DNTTIP1: variants seen among roughly 807,000 people sequenced by gnomAD.
The protein encoded by DNTTIP1 is deoxynucleotidyltransferase terminal interacting protein 1.
A neutral mutation model predicts 52.9 loss-of-function variants in DNTTIP1; 22 were observed. That is an observed-to-expected ratio of 0.42 (90% CI 0.30 to 0.59). The LOEUF (loss-of-function observed/expected upper bound fraction) is 0.59, where lower values mean the gene tolerates loss of function less well. DNTTIP1 is among the 20% of genes least tolerant of loss of function. The pLI is 0.22. For synonymous variants in DNTTIP1, 136 were observed against 155.1 expected (o/e 0.88, Z 0.92); for missense variants, 286 against 435.5 (o/e 0.66, Z 3.06).
intron 4 of DNTTIP1, among the ~76,000 whole-genome samples, chr20:45,797,385 A>G (rs1360611142): frequency 5.3e-5 from 8 of 152,232 alleles, no homozygotes; most frequent in Non-Finnish European, 1.2e-4. Flanking sequence ...ACCCTAGAAG[A>G]AAACCTAGGC....
Position 45,795,467 on chromosome 20 carries a change from T to G in DNTTIP1, c.372+24T>G, listed in dbSNP as rs759294317. Reference sequence around the variant, plus strand: ...AGGTGAGACCAAAGGGGACAAGAGATGCAGGCACAAGGTTTAGCTCTCGAG... The same window carrying G: ...AGGTGAGACCAAAGGGGACAAGAGAGGCAGGCACAAGGTTTAGCTCTCGAG... On this transcript the variant is annotated intron_variant, in intron 4 of 12. Coordinates refer to ENST00000372622, the MANE Select transcript of DNTTIP1 (RefSeq NM_052951.3). 20 of 1,461,350 alleles carry G rather than the reference T, an allele frequency of 1.4e-5. No homozygotes were observed. The South Asian group carries it at 2.3e-4, about 17-fold the overall frequency. The allele number at this position is 1,461,350 out of a possible 1,614,324, so 90.5% of individuals were successfully genotyped here. A position where few individuals can be genotyped will look rare whatever the true frequency, so the allele number is the denominator to read the frequency against.
chr20:45,792,798 C>G, intron 2 of DNTTIP1, 51 bp downstream of exon 2: 2 of 1,543,014 alleles, frequency 1.3e-6, no homozygotes, highest in South Asian at 2.4e-5. Context: ...GCTTGCATGG[C>G]AGATTTGGGA....
chr20:45,792,851 G>A (rs1482555835), intron 2 of DNTTIP1, 104 bp downstream of exon 2: 8 of 1,031,046 alleles, frequency 7.8e-6, no homozygotes, highest in Non-Finnish European at 1.1e-5. Context: ...CCGGTAGAAA[G>A]AGCACAGGAC....
At chr20:45,800,959 A>G (rs1981446863) in intron 4 of DNTTIP1, 115 bp from the exon 5 acceptor site, 1 of 851,168 alleles carries the variant, frequency 1.2e-6, no homozygotes, top group East Asian at 2.4e-5. Flanking sequence ...GTGCTGCTGC[A>G]CTCCAGCCTG....
At position 45,805,279 on chromosome 20, in the gene DNTTIP1, C is replaced by A. The variant is rs113264778; in HGVS notation, c.663-27C>A. On this transcript the variant is annotated intron_variant, in intron 9 of 12. Coordinates refer to ENST00000372622, the MANE Select transcript of DNTTIP1 (RefSeq NM_052951.3). ...CTAGTAGGACTACACTTTCTGGAAT[C>A]TTGACCACTTGGCTTTTACTTTTCA... 3.4e-5 allele frequency: 55 copies of A among 1,614,170 alleles called. No individual in the cohort carries two copies. In the African/African-American group the frequency reaches 5.7e-4, roughly 17 times the overall value.
intron 4 of DNTTIP1, among the ~76,000 whole-genome samples, chr20:45,800,697 ATATATATATATATATATATATATAT>A (rs1568707768): frequency 0.1 from 596 of 5,834 alleles, 75 homozygotes; most frequent in Admixed American, 0.12. Context: ...AAAAAAAAAT[ATATATATATATATATATATATATAT>A]ATATATATAT....
At chr20:45,804,611 TTCTC>T (rs1981575962) in intron 8 of DNTTIP1, among the ~76,000 whole-genome samples, 1 of 152,186 alleles carries the variant, frequency 6.6e-6, no homozygotes, top group Admixed American at 6.5e-5. Flanking sequence ...TCCTCTGTGT[TTCTC>T]TCTCCAGCCC....
chr20:45,806,355 CAAAAA>C (rs3080098), intron 10 of DNTTIP1, among the ~76,000 whole-genome samples: 46 of 131,752 alleles, frequency 3.5e-4, no homozygotes, highest in Non-Finnish European at 4.9e-4. Context: ...AACTCCATCT[CAAAAA>C]AAAAAAAATA....
chr20:45,803,273 T>C (rs1289627739), intron 7 of DNTTIP1, 60 bp from the exon 8 acceptor site: 1 of 1,554,986 alleles, frequency 6.4e-7, no homozygotes, highest in Admixed American at 1.7e-5. Flanking sequence ...ACCAGCAAGC[T>C]GGCATTTAGT....
chr20:45,810,650 A>G (rs1235964562), intron 11 of DNTTIP1, among the ~76,000 whole-genome samples: 1 of 149,854 alleles, frequency 6.7e-6, no homozygotes, highest in Non-Finnish European at 1.5e-5. Flanking sequence ...AGAGAAGGCT[A>G]TAAATAAGTC....
rs767661063 is a variant in DNTTIP1, at chr20:45,809,165, C to A, written c.775C>A (p.Arg259=). 6.2e-7 allele frequency: 1 copy of A among 1,614,024 alleles called. No individual in the cohort carries two copies. The highest frequency in any genetic ancestry group is 8.5e-7 in the Non-Finnish European group (1 of 1,179,964). ...KHWLAEQHHM[R]ATGGKMAYLL... ...CTGGCTGGCTGAGCAGCATCACATG[C>A]GGGCAACAGGGGGCAAGATGGTAAG... Residue 259 remains arginine (R), a synonymous_variant, in exon 11 of 13, where the codon CGG becomes AGG. Transcript: ENST00000372622. The surrounding 1 kb of genome is among the most constrained non-coding windows in gnomAD (Gnocchi z 4.2).
At chr20:45,800,466 G>T (rs948840716) in intron 4 of DNTTIP1, among the ~76,000 whole-genome samples, 1 of 151,520 alleles carries the variant, frequency 6.6e-6, no homozygotes, top group Non-Finnish European at 1.5e-5. Flanking sequence ...CTGAGGTTAA[G>T]AGTTCGAGAC....
At position 45,795,399 on chromosome 20, in the gene DNTTIP1, G is replaced by A. The variant is rs139853820; in HGVS notation, c.328G>A (p.Ala110Thr). The A allele has an allele frequency of 2.2e-4, 354 of 1,611,220 alleles. No homozygotes were observed. Among genetic ancestry groups the A allele is most frequent in the Non-Finnish European group, 2.8e-4 (333 of 1,178,614 alleles). ...VRDNVGEEVD[A>T]EQLIQEACRS... is the part of the protein sequence containing the mutation. ...AGACAATGTTGGGGAGGAGGTGGAC[G>A]CAGAGCAGCTGATCCAGGAAGCCTG... The change falls in exon 4 of 13, where the codon GCA (alanine) becomes ACA (threonine). Residue 110 changes from alanine (A) to threonine (T), a missense_variant. Ala to Thr is a moderately conservative substitution (Grantham distance 58). This residue lies in a region of DNTTIP1 where 208 missense variants were observed against 266.5 expected (regional missense o/e 0.78). Transcript: ENST00000372622.
At chr20:45,798,145 T>C (rs1257876797) in intron 4 of DNTTIP1, among the ~76,000 whole-genome samples, 1 of 152,148 alleles carries the variant, frequency 6.6e-6, no homozygotes, top group Non-Finnish European at 1.5e-5. Flanking sequence ...TGGAATACTA[T>C]GCAGCCATAA....
chr20:45,801,595 T>G, intron 6 of DNTTIP1, 137 bp downstream of exon 6: 2 of 862,152 alleles, frequency 2.3e-6, no homozygotes, highest in Non-Finnish European at 3.7e-6. Flanking sequence ...TTGAGACCAG[T>G]CTGGGTAACA....
In DNTTIP1 at chr20:45,802,150, A is replaced by C. The variant is rs539951817; in HGVS notation, c.557+93A>C. On this transcript the variant is annotated intron_variant, in intron 7 of 12. Coordinates refer to ENST00000372622, the MANE Select transcript of DNTTIP1 (RefSeq NM_052951.3). ...AGAGTCCAGGGTTCTGTGCCTGTCA[A>C]AATCAGATCCATCAGCTTAAGTCAT... 22 of 1,373,718 alleles carry C rather than the reference A, an allele frequency of 1.6e-5. No individual in the cohort carries two copies. The East Asian group carries it at 4.8e-4, about 30-fold the overall frequency. The allele number at this position is 1,373,718 out of a possible 1,614,324, so 85.1% of individuals were successfully genotyped here.
rs528420813 is a variant in DNTTIP1 at position 45,800,100 on chromosome 20, A to G, written c.373-974A>G. On this transcript the variant is annotated intron_variant, in intron 4 of 12. Transcript: ENST00000372622. ...GCACCACTGTACTCCAGTCTGGGCA[A>G]CAGAGCAAGATTCCATGTCAAAAAA... Among the ~76,000 whole-genome samples, 4 of 151,934 alleles carry G rather than the reference A, an allele frequency of 2.6e-5. No individual in the cohort carries two copies. The South Asian group carries it at 8.3e-4, about 32-fold the overall frequency.
intron 5 of DNTTIP1, 91 bp from the exon 6 acceptor site, chr20:45,801,311 A>T (rs1424570123): frequency 4.7e-6 from 7 of 1,483,084 alleles, no homozygotes; most frequent in Non-Finnish European, 6.6e-6. Context: ...GGGGCTGGAG[A>T]GCTGTAGTCC....
intron 10 of DNTTIP1, 116 bp from the exon 11 acceptor site, chr20:45,808,998 G>A (rs145688657): frequency 5.8e-6 from 5 of 865,554 alleles, no homozygotes; most frequent in East Asian, 2.6e-5. Flanking sequence ...AGTCCACCAC[G>A]CTTGGAGACA....
Sources: gnomAD v4.1 joint callset for allele counts (sites outside exome capture counted in the v4.1 genomes callset) on GRCh38, gnomAD v4.1.1 for gene constraint, gnomAD v4.1.1 regional missense constraint, Gnocchi (gnomAD v3.1) non-coding constraint, MANE v1.5 for transcripts, NCBI Gene and HGNC (gene_info 2026-07-23, HGNC 2026-07-21) for gene names.